Variants in PATE2 observed in about 807,000 individuals in gnomAD.
PATE2 encodes prostate and testis expressed 2.
A neutral mutation model predicts 10.5 loss-of-function variants in PATE2; 7 were observed. That is an observed-to-expected ratio of 0.66 (90% CI 0.38 to 1.25). The LOEUF (loss-of-function observed/expected upper bound fraction) is 1.25, where lower values mean the gene tolerates loss of function less well. PATE2 is among the 50% of genes most tolerant of loss of function. The pLI, the probability that PATE2 is intolerant of heterozygous loss-of-function variation, is 0.02. For synonymous variants in PATE2, 44 were observed against 46.9 expected (o/e 0.94, Z 0.25); for missense variants, 133 against 135.4 (o/e 0.98, Z 0.09).
At chr11:125,777,832 ATGG>A in intron 3 of PATE2, 39 bp downstream of exon 3, 1 of 1,603,452 alleles carries the variant, frequency 6.2e-7, no homozygotes, top group Non-Finnish European at 8.5e-7. Flanking sequence ...TTTCTCAGGG[ATGG>A]TGGTGGTGAT....
intron 2 of PATE2, among the ~76,000 whole-genome samples, 197 bp downstream of exon 2, chr11:125,778,355 G>A (rs532497540): frequency 6.6e-6 from 1 of 152,172 alleles, no homozygotes; most frequent in South Asian, 2.1e-4. Context: ...GCCGAGTAAT[G>A]GGTAAAAGAA....
intron 2 of PATE2, 55 bp from the exon 3 acceptor site, chr11:125,778,057 G>C: frequency 6.3e-7 from 1 of 1,584,844 alleles, no homozygotes; most frequent in South Asian, 1.1e-5. Flanking sequence ...ATATTCTCTG[G>C]GGCTGGGGGC....
At position 125,777,278 on chromosome 11, in the gene PATE2, ACT is replaced by A. The variant is rs1943493562; in HGVS notation, c.*102_*103del. ...CTTTTCACTATGAGCTGGCTTTCTC[ACT>A]CTCTACCAATGCATAGAAGAGGAGA... On this transcript the variant is annotated 3_prime_UTR_variant, in exon 4 of 4. Coordinates refer to ENST00000358524, the MANE Select transcript of PATE2 (RefSeq NM_212555.3). The A allele has an allele frequency of 2.2e-6, 3 of 1,357,436 alleles. No homozygotes were observed. Among genetic ancestry groups the A allele is most frequent in the Admixed American group, 2.1e-5 (1 of 47,110 alleles). 84.1% of individuals were successfully genotyped at this position (1,357,436 alleles called of 1,614,324 possible). A position where few individuals can be genotyped will look rare whatever the true frequency, so the allele number is the denominator to read the frequency against.
Position 125,777,112 on chromosome 11 carries a change from T to A in PATE2, c.*270A>T. 2.8e-6 allele frequency: 1 copy of A among 360,144 alleles called. No homozygotes were observed. The allele number at this position is 360,144 out of a possible 1,614,324, so 22.3% of individuals were successfully genotyped here. ...ACAGGAGATAATAAATGACCAAGTC[T>A]GAGCTTATTCATGGCAGTATCACGT... On this transcript the variant is annotated 3_prime_UTR_variant, in exon 4 of 4. Coordinates refer to ENST00000358524, the MANE Select transcript of PATE2 (RefSeq NM_212555.3).
chr11:125,777,544 T>C (rs1334208518), intron 3 of PATE2, 26 bp from the exon 4 acceptor site: 1 of 1,612,698 alleles, frequency 6.2e-7, no homozygotes, highest in African/African-American at 1.3e-5. Flanking sequence ...AGAGGAAATA[T>C]GATCATAATG....
rs768366527 is a variant in PATE2 at position 125,778,558 on chromosome 11, T to C, written c.70A>G (p.Ile24Val). The C allele has an allele frequency of 1.2e-6, 2 of 1,613,556 alleles. No homozygotes were observed. Among genetic ancestry groups the C allele is most frequent in the Non-Finnish European group, 1.7e-6 (2 of 1,179,624 alleles). ...CPYWGELHDP[I>V]KATEIMCYEC... ...AGAGAAGCCATGATTGTACCTTTTA[T>C]AGGGTCATGAAGTTCACCTGTGAAA... The change falls in exon 2 of 4, where the codon ATA becomes GTA. Residue 24 changes from isoleucine to valine, a missense_variant. Transcript: ENST00000358524.
chr11:125,777,394 AG>A lies in PATE2; in HGVS notation c.329del (p.Pro110LeufsTer40). On this transcript the variant is annotated frameshift_variant, in exon 4 of 4. Transcript: ENST00000358524. LOFTEE classifies it high-confidence loss of function. ...GAGAGACGTAGAACTAAACTCCCTC[AG>A]GGAGGTTGCAGTAGTTACTATGATC... ...CCDHSNYCNL[P>X]EGV 1.2e-6 allele frequency: 2 copies of A among 1,613,574 alleles called. No homozygotes were observed. The highest frequency in any genetic ancestry group is 1.7e-6 in the Non-Finnish European group (2 of 1,179,684).
Position 125,777,028 on chromosome 11 carries a change from G to A in PATE2, c.*354C>T. 3.3e-5 allele frequency: 6 copies of A among 183,476 alleles called. No homozygotes were observed. The highest frequency in any genetic ancestry group is 1.4e-4 in the South Asian group (1 of 7,084). The allele number at this position is 183,476 out of a possible 1,614,324, so 11.4% of individuals were successfully genotyped here. A position where few individuals can be genotyped will look rare whatever the true frequency, so the allele number is the denominator to read the frequency against. ...TGTGTGTAGATGAGGATAGAGGATA[G>A]TCACAGAATTCTCAGTACAAATTGG... On this transcript the variant is annotated 3_prime_UTR_variant, in exon 4 of 4. Transcript: ENST00000358524.
Position 125,777,287 on chromosome 11 carries a change from C to A in PATE2, c.*95G>T. On this transcript the variant is annotated 3_prime_UTR_variant, in exon 4 of 4. Coordinates refer to ENST00000358524, the MANE Select transcript of PATE2 (RefSeq NM_212555.3). ...ATGAGCTGGCTTTCTCACTCTCTAC[C>A]AATGCATAGAAGAGGAGAGCAAAAT... 7.1e-7 allele frequency: 1 copy of A among 1,413,246 alleles called. No homozygotes were observed. Among genetic ancestry groups the A allele is most frequent in the Non-Finnish European group, 9.8e-7 (1 of 1,024,072 alleles). The allele number at this position is 1,413,246 out of a possible 1,614,324, so 87.5% of individuals were successfully genotyped here. A position where few individuals can be genotyped will look rare whatever the true frequency, so the allele number is the denominator to read the frequency against.
rs1170212339 is a variant in PATE2, at chr11:125,777,473, C to T, written c.251G>A (p.Cys84Tyr). 8 of 1,613,644 alleles carry T rather than the reference C, an allele frequency of 5.0e-6. No individual in the cohort carries two copies. Among genetic ancestry groups the T allele is most frequent in the African/African-American group, 2.7e-5 (2 of 74,882 alleles). ...HYSKLSCMTS[C>Y]EDINFLGFTK... ...GAACCCCAGGAAGTTGATGTCCTCA[C>T]AGCTGGTCATACACGACAGTTTTGA... is the stretch of plus-strand genomic sequence containing the variant. The change falls in exon 4 of 4, where the codon TGT becomes TAT. Residue 84 changes from cysteine (C) to tyrosine (Y), a missense_variant. Coordinates refer to ENST00000358524, the MANE Select transcript of PATE2 (RefSeq NM_212555.3).
rs1442501682 is a variant in PATE2, at chr11:125,776,733, A to T, written c.*649T>A. ...GCCAGGGCAATGATAATTCAAGCCA[A>T]TTCCACCCACAGCAAGTTATTTCTC... On this transcript the variant is annotated 3_prime_UTR_variant, in exon 4 of 4. Coordinates refer to ENST00000358524, the MANE Select transcript of PATE2 (RefSeq NM_212555.3). 1.3e-5 allele frequency: 2 copies of T among 152,204 alleles called. No individual in the cohort carries two copies. The highest frequency in any genetic ancestry group is 3.9e-4 in the East Asian group (2 of 5,180). 9.4% of individuals were successfully genotyped at this position (152,204 alleles called of 1,614,324 possible).
Position 125,777,521 on chromosome 11 carries a change from G to T in PATE2, c.206-3C>A, listed in dbSNP as rs763548871. ...TGAATAATGATACATGCTCTGCCCT[G>T]AGGAGGTAAAAGAGAGGAAATATGA... is the stretch of plus-strand genomic sequence containing the variant. On this transcript the variant is annotated splice_region_variant and splice_polypyrimidine_tract_variant and intron_variant, in intron 3 of 3. Transcript: ENST00000358524. 2.0e-5 allele frequency: 33 copies of T among 1,613,378 alleles called. No homozygotes were observed. Among genetic ancestry groups the T allele is most frequent in the Non-Finnish European group, 2.7e-5 (32 of 1,179,676 alleles).
rs1283396238 is a variant in PATE2 at position 125,777,433 on chromosome 11, C to T, written c.291G>A (p.Glu97=). 6.2e-7 allele frequency: 1 copy of T among 1,613,614 alleles called. No homozygotes were observed. The highest frequency in any genetic ancestry group is 1.7e-5 in the Admixed American group (1 of 59,922). Residue 97 remains glutamate (E), a synonymous_variant, in exon 4 of 4, where the codon GAG becomes GAA. Transcript: ENST00000358524. The part of the protein sequence containing the change: ...INFLGFTKRV[E]LICCDHSNYC... ...AGTTACTATGATCACAACAGATGAGCTCTACCCTCTTCGTGAACCCCAGGA... is the reference window on the plus strand; with the variant it reads ...AGTTACTATGATCACAACAGATGAGTTCTACCCTCTTCGTGAACCCCAGGA...
rs1484965630 is a variant in PATE2, at chr11:125,777,507, A to G, written c.217T>C (p.Tyr73His). The G allele has an allele frequency of 3.1e-6, 5 of 1,613,624 alleles. No homozygotes were observed. Among genetic ancestry groups the G allele is most frequent in the Non-Finnish European group, 4.2e-6 (5 of 1,179,732 alleles). Reference protein sequence around the residue: ...YILTRKGQSMYHYSKLSCMTS... With the variant: ...YILTRKGQSMHHYSKLSCMTS... ...ATACACGACAGTTTTGAATAATGAT[A>G]CATGCTCTGCCCTGAGGAGGTAAAA... is the stretch of plus-strand genomic sequence containing the variant. The change falls in exon 4 of 4, where the codon TAT becomes CAT. Residue 73 changes from tyrosine (Y) to histidine (H), a missense_variant. Coordinates refer to ENST00000358524, the MANE Select transcript of PATE2 (RefSeq NM_212555.3).
rs1433623863 is a variant in PATE2, at chr11:125,776,716, A to G, written c.*666T>C. ...CCAAGGCTGCCTGGCCAGCCAGGGC[A>G]ATGATAATTCAAGCCAATTCCACCC... is the stretch of plus-strand genomic sequence containing the variant. On this transcript the variant is annotated 3_prime_UTR_variant, in exon 4 of 4. Coordinates refer to ENST00000358524, the MANE Select transcript of PATE2 (RefSeq NM_212555.3). 6.6e-6 allele frequency: 1 copy of G among 152,244 alleles called. No individual in the cohort carries two copies. Among genetic ancestry groups the G allele is most frequent in the African/African-American group, 2.4e-5 (1 of 41,446 alleles). The allele number at this position is 152,244 out of a possible 1,614,324, so 9.4% of individuals were successfully genotyped here. A position where few individuals can be genotyped will look rare whatever the true frequency, so the allele number is the denominator to read the frequency against.
chr11:125,777,887 G>A lies in PATE2; in HGVS notation c.192C>T (p.Ile64=), dbSNP rs749837252. ...KQSCAVENFY[I]LTRKGQSMYH... ...ACTCCACATTACCTTTCCTTGTAAG[G>A]ATGTAAAAGTTCTCAACTGCACAGG... Residue 64 remains isoleucine (I), a synonymous_variant, in exon 3 of 4, where the codon ATC becomes ATT. Transcript: ENST00000358524. 1 of 1,613,160 alleles carries A rather than the reference G, an allele frequency of 6.2e-7. No homozygotes were observed. Among genetic ancestry groups the A allele is most frequent in the Admixed American group, 1.7e-5 (1 of 59,860 alleles).
chr11:125,776,738 A>G lies in PATE2; in HGVS notation c.*644T>C, dbSNP rs897946573. On this transcript the variant is annotated 3_prime_UTR_variant, in exon 4 of 4. Transcript: ENST00000358524. ...GGCAATGATAATTCAAGCCAATTCC[A>G]CCCACAGCAAGTTATTTCTCAGATC... The G allele has an allele frequency of 6.6e-6, 1 of 152,058 alleles. No homozygotes were observed. Among genetic ancestry groups the G allele is most frequent in the African/African-American group, 2.4e-5 (1 of 41,386 alleles). The allele number at this position is 152,058 out of a possible 1,614,324, so 9.4% of individuals were successfully genotyped here.
rs145913150 is a variant in PATE2, at chr11:125,777,921, T to A, written c.158A>T (p.His53Leu). The A allele has an allele frequency of 1.4e-5, 23 of 1,613,520 alleles. 1 individual carries two copies. The South Asian group carries it at 2.3e-4, about 16-fold the overall frequency. ...GTTCTCAACTGCACAGGACTGTTTATGCTTCAGGGAGCAGGATGTCATGAC... is the reference window on the plus strand; with the variant it reads ...GTTCTCAACTGCACAGGACTGTTTAAGCTTCAGGGAGCAGGATGTCATGAC... ...YGVMTSCSLK[H>L]KQSCAVENFY... Residue 53 changes from histidine to leucine, a missense_variant, in exon 3 of 4, where the codon CAT becomes CTT. Physicochemically the swap from His to Leu is moderately conservative, Grantham distance 99. Coordinates refer to ENST00000358524, the MANE Select transcript of PATE2 (RefSeq NM_212555.3).
At position 125,777,728 on chromosome 11, in the gene PATE2, T is replaced by C. The variant is rs182655271; in HGVS notation, c.205+146A>G. On this transcript the variant is annotated intron_variant, in intron 3 of 3. Coordinates refer to ENST00000358524, the MANE Select transcript of PATE2 (RefSeq NM_212555.3). ...GCCTCTTTTTCACTCAATATGGTCT[T>C]AGGGAAAAGTCTGTCTTTGCCATCC... is the stretch of plus-strand genomic sequence containing the variant. 162 of 1,181,616 alleles carry C rather than the reference T, an allele frequency of 1.4e-4. No individual in the cohort carries two copies. The East Asian group carries it at 3.7e-3, about 27-fold the overall frequency. 73.2% of individuals were successfully genotyped at this position (1,181,616 alleles called of 1,614,324 possible). A position where few individuals can be genotyped will look rare whatever the true frequency, so the allele number is the denominator to read the frequency against.
Sources: allele counts gnomAD v4.1 joint callset (sites outside exome capture counted in the v4.1 genomes callset), GRCh38; gene constraint gnomAD v4.1.1; transcripts MANE v1.5; gene names NCBI Gene and HGNC (gene_info 2026-07-23, HGNC 2026-07-21).